Variants in CBLIF observed in about 807,000 individuals in gnomAD.
The protein encoded by CBLIF is gastric intrinsic factor (vitamin B synthesis).
In CBLIF, 24 loss-of-function variants were observed where a neutral mutation model predicts 44.9. The ratio of observed to expected loss-of-function variants is 0.53; its 90% CI spans 0.39 to 0.75. CBLIF has a LOEUF of 0.75. Among genes scored for constraint, CBLIF ranks in the 30% least tolerant of loss-of-function variants. CBLIF has a pLI of 0.00. For missense variants in CBLIF, 481 were observed against 513.0 expected (o/e 0.94, Z 0.60); for synonymous variants, 183 against 190.9 (o/e 0.96, Z 0.34).
intron 7 of CBLIF, among the ~76,000 whole-genome samples, chr11:59,833,380 C>T (rs973150235): frequency 4.6e-5 from 7 of 151,776 alleles, no homozygotes; most frequent in South Asian, 4.2e-4. Context: ...AGCAGGGCAT[C>T]GTGGCGGGTG....
intron 6 of CBLIF, 53 bp downstream of exon 6, chr11:59,837,121 C>T (rs1866466015): frequency 7.4e-7 from 1 of 1,354,868 alleles, no homozygotes. Flanking sequence ...ATCCACATGT[C>T]ATTTCTGGCA....
At chr11:59,834,284 C>CT (rs1565207453) in intron 7 of CBLIF, among the ~76,000 whole-genome samples, 1 of 137,056 alleles carries the variant, frequency 7.3e-6, no homozygotes, top group Non-Finnish European at 1.6e-5. Context: ...TTCTTTCTTT[C>CT]TTTCTTTCTT....
chr11:59,836,131 A>G (rs998439071), intron 6 of CBLIF, 122 bp from the exon 7 acceptor site: 3 of 811,690 alleles, frequency 3.7e-6, no homozygotes, highest in Admixed American at 1.8e-5. Context: ...GTTTCATACC[A>G]TTTAACAAAG....
intron 5 of CBLIF, among the ~76,000 whole-genome samples, chr11:59,840,492 T>G (rs1866509676): frequency 6.6e-6 from 1 of 152,170 alleles, no homozygotes. Flanking sequence ...CCTAATCAAC[T>G]AGGGTAGGGT....
rs1866551843 is a variant in CBLIF at position 59,842,601 on chromosome 11, A to G, written c.371-18T>C. On this transcript the variant is annotated intron_variant, in intron 3 of 8. Transcript: ENST00000257248. ...GTTGGGGCCTCCGAAGGGGATAGAG[A>G]ACCTTCATCAGACTCACAGTCACCA... 1 of 1,612,138 alleles carries G rather than the reference A, an allele frequency of 6.2e-7. No homozygotes were observed. Among genetic ancestry groups the G allele is most frequent in the African/African-American group, 1.3e-5 (1 of 74,906 alleles).
rs910419655 is a variant in CBLIF, at chr11:59,829,398, G to A, written c.*86C>T. 9 of 849,470 alleles carry A rather than the reference G, an allele frequency of 1.1e-5. No homozygotes were observed. Among genetic ancestry groups the A allele is most frequent in the South Asian group, 1.4e-5 (1 of 73,928 alleles). The allele number at this position is 849,470 out of a possible 1,614,324, so 52.6% of individuals were successfully genotyped here. On this transcript the variant is annotated 3_prime_UTR_variant, in exon 9 of 9. Transcript: ENST00000257248. Reference sequence around the variant, plus strand: ...GAATATGGTAGCATCACAGGCATTCGCTTTTTTGCATAGATTTAAAATGAA... The same window carrying A: ...GAATATGGTAGCATCACAGGCATTCACTTTTTTGCATAGATTTAAAATGAA...
Position 59,845,394 on chromosome 11 carries a change from G to A in CBLIF, c.60C>T (p.Thr20=). 1 of 1,612,322 alleles carries A rather than the reference G, an allele frequency of 6.2e-7. No homozygotes were observed. The highest frequency in any genetic ancestry group is 1.1e-5 in the South Asian group (1 of 91,032). ...SLLWATAGTS[T]QTQSSCSVPS... is the part of the protein sequence containing the mutation. ...ACTCACAGCATGAACTCTGGGTCTGGGTACTAGTCCCAGCTGTAGCCCAGA... is the reference window on the plus strand; with the variant it reads ...ACTCACAGCATGAACTCTGGGTCTGAGTACTAGTCCCAGCTGTAGCCCAGA... Residue 20 remains threonine (T), a synonymous_variant, in exon 1 of 9, where the codon ACC becomes ACT. Coordinates refer to ENST00000257248, the MANE Select transcript of CBLIF (RefSeq NM_005142.3).
chr11:59,834,294 TTC>T (rs1565207487), intron 7 of CBLIF, among the ~76,000 whole-genome samples: 1 of 142,244 alleles, frequency 7.0e-6, no homozygotes, highest in African/African-American at 2.6e-5. Flanking sequence ...CTTTCTTTCT[TTC>T]TTTCTTTCTT....
At chr11:59,840,057 A>G (rs74365958) in intron 5 of CBLIF, among the ~76,000 whole-genome samples, 15,998 of 152,160 alleles carry the variant, frequency 0.11, 1,456 homozygotes, top group African/African-American at 0.24. Flanking sequence ...TGACATAGAA[A>G]TGAACTCTAT....
Position 59,842,637 on chromosome 11 carries a change from A to G in CBLIF, c.371-54T>C. 3.2e-6 allele frequency: 5 copies of G among 1,574,800 alleles called. No homozygotes were observed. The South Asian group carries it at 5.5e-5, about 17-fold the overall frequency. On this transcript the variant is annotated intron_variant, in intron 3 of 8. Transcript: ENST00000257248. ...GACTCACAGTCACCACGATGAGGAC[A>G]TTTGCAAAGAAGGAAAAGCCAAGCC... is the stretch of plus-strand genomic sequence containing the variant.
At chr11:59,839,523 A>G (rs1426731867) in intron 5 of CBLIF, among the ~76,000 whole-genome samples, 1 of 152,196 alleles carries the variant, frequency 6.6e-6, no homozygotes, top group Admixed American at 6.5e-5. Flanking sequence ...TGGGAGTCAA[A>G]CCTAAATTGT....
In CBLIF at chr11:59,843,863, G is replaced by A. The variant is rs201386622; in HGVS notation, c.256+16C>T. 3.8e-6 allele frequency: 6 copies of A among 1,599,514 alleles called. No homozygotes were observed. The highest frequency in any genetic ancestry group is 1.7e-5 in the Admixed American group (1 of 60,004). Reference sequence around the variant, plus strand: ...TGTGAGATTCAGGGAGAGTGCGAGCGGCTCAGATGTCTCACCGTTGTTGTC... The same window carrying A: ...TGTGAGATTCAGGGAGAGTGCGAGCAGCTCAGATGTCTCACCGTTGTTGTC... On this transcript the variant is annotated intron_variant, in intron 2 of 8. Transcript: ENST00000257248.
At chr11:59,844,104 C>G in intron 1 of CBLIF, 49 bp from the exon 2 acceptor site, 1 of 1,370,528 alleles carries the variant, frequency 7.3e-7, no homozygotes, top group South Asian at 1.2e-5. Context: ...CATTCCTTCT[C>G]AAAAACATTA....
intron 1 of CBLIF, 140 bp downstream of exon 1, chr11:59,845,235 C>T (rs763202375): frequency 2.5e-6 from 3 of 1,200,414 alleles, no homozygotes; most frequent in Admixed American, 3.8e-5. Context: ...GAAGGATGAA[C>T]AGCACACAAT....
chr11:59,842,255 T>C (rs1178759907), intron 4 of CBLIF, among the ~76,000 whole-genome samples, 188 bp downstream of exon 4: 1 of 152,198 alleles, frequency 6.6e-6, no homozygotes, highest in Non-Finnish European at 1.5e-5. Context: ...CTACCCCCTC[T>C]TCCTTCACTT....
At position 59,837,283 on chromosome 11, in the gene CBLIF, G is replaced by A; in HGVS notation, c.762C>T (p.Leu254=). The A allele has an allele frequency of 6.2e-7, 1 of 1,612,466 alleles. No homozygotes were observed. Among genetic ancestry groups the A allele is most frequent in the Non-Finnish European group, 8.5e-7 (1 of 1,178,520 alleles). Residue 254 remains leucine, a synonymous_variant, in exon 6 of 9, where the codon CTC becomes CTT. Coordinates refer to ENST00000257248, the MANE Select transcript of CBLIF (RefSeq NM_005142.3). ...GGAATTTCCCCTGCTTAATCTCATT[G>A]AGTATCATATCCGTAGTCTTCTTGC... ...WNCKKTTDMI[L]NEIKQGKFHN...
chr11:59,842,761 T>C, intron 3 of CBLIF, 178 bp from the exon 4 acceptor site: 1 of 673,272 alleles, frequency 1.5e-6, no homozygotes, highest in African/African-American at 1.8e-5. Flanking sequence ...ATCAGGCATC[T>C]GCAAAGAATA....
At chr11:59,834,913 T>G (rs1237231447) in intron 7 of CBLIF, among the ~76,000 whole-genome samples, 2 of 152,200 alleles carry the variant, frequency 1.3e-5, no homozygotes, top group Non-Finnish European at 2.9e-5. Flanking sequence ...ACCTCCATTA[T>G]TGGAGTCATG....
chr11:59,832,572 G>C (rs903347100), intron 7 of CBLIF, among the ~76,000 whole-genome samples: 7 of 152,262 alleles, frequency 4.6e-5, no homozygotes, highest in African/African-American at 1.7e-4. Flanking sequence ...CAGATTGCTT[G>C]AGCCCAGGAG....
Sources: allele counts gnomAD v4.1 joint callset (sites outside exome capture counted in the v4.1 genomes callset), GRCh38; gene constraint gnomAD v4.1.1; transcripts MANE v1.5; gene names NCBI Gene and HGNC (gene_info 2026-07-23, HGNC 2026-07-21).